PAPPA2: variants seen among roughly 807,000 people sequenced by gnomAD.
The protein encoded by PAPPA2 is pappalysin-2.
A neutral mutation model predicts 176.4 loss-of-function variants in PAPPA2; 86 were observed. That is an observed-to-expected ratio of 0.49 (90% CI 0.41 to 0.58). PAPPA2 has a LOEUF of 0.58. Ranked by LOEUF, PAPPA2 falls within the 20% of genes least tolerant of loss-of-function variation. PAPPA2 has a pLI of 0.00. For synonymous variants in PAPPA2, 809 were observed against 852.2 expected (o/e 0.95, Z 0.88); for missense variants, 2,073 against 2,256.9 (o/e 0.92, Z 1.65).
At chr1:176,688,070 T>C (rs1301772290) in intron 4 of PAPPA2, among the ~76,000 whole-genome samples, 6 of 152,222 alleles carry the variant, frequency 3.9e-5, no homozygotes, top group African/African-American at 9.6e-5. Flanking sequence ...CTAATCAATT[T>C]AGATACTTAA....
chr1:176,678,468 T>C (rs1437714605), intron 4 of PAPPA2, among the ~76,000 whole-genome samples: 2 of 152,102 alleles, frequency 1.3e-5, no homozygotes, highest in African/African-American at 4.8e-5. Flanking sequence ...GTTTTTATTG[T>C]TCTTGCCAAA....
intron 2 of PAPPA2, among the ~76,000 whole-genome samples, chr1:176,580,571 A>T (rs2659488): frequency 0.64 from 97,811 of 151,902 alleles, 32,037 homozygotes; most frequent in East Asian, 0.93. Flanking sequence ...TGTTCTCCAC[A>T]GTGGCTGTAC....
intron 20 of PAPPA2, among the ~76,000 whole-genome samples, chr1:176,798,875 C>G (rs1665555761): frequency 6.6e-6 from 1 of 152,188 alleles, no homozygotes; most frequent in Non-Finnish European, 1.5e-5. Context: ...TATTTTCCCT[C>G]TAGAGAAGCT....
chr1:176,463,775 G>T (rs1226478710), intron 1 of PAPPA2, among the ~76,000 whole-genome samples: 1 of 152,186 alleles, frequency 6.6e-6, no homozygotes, highest in Non-Finnish European at 1.5e-5. Context: ...ATCCAGGCCT[G>T]TGCAGGGAGA....
rs1659266662 is a variant in PAPPA2 at position 176,675,955 on chromosome 1, G to A, written c.2137+4840G>A. 5.3e-5 allele frequency among the ~76,000 whole-genome samples: 8 copies of A among 152,116 alleles called. No homozygotes were observed. In the South Asian group the frequency reaches 1.7e-3, roughly 32 times the overall value. Reference sequence around the variant, plus strand: ...GACATTTTACTACAGATGATATACAGATGGAAAATAAATCTATGAAACAAT... The same window carrying A: ...GACATTTTACTACAGATGATATACAAATGGAAAATAAATCTATGAAACAAT... On this transcript the variant is annotated intron_variant, in intron 4 of 22. Transcript: ENST00000367662.
chr1:176,835,352 A>G (rs544572399), intron 21 of PAPPA2, among the ~76,000 whole-genome samples: 1 of 152,302 alleles, frequency 6.6e-6, no homozygotes, highest in Admixed American at 6.5e-5. Flanking sequence ...AGCATTTCAT[A>G]TATCTATGGT....
intron 12 of PAPPA2, among the ~76,000 whole-genome samples, chr1:176,719,271 GA>G (rs1295492388): frequency 6.6e-6 from 1 of 151,564 alleles, no homozygotes; most frequent in Non-Finnish European, 1.5e-5. Context: ...GTAGAAAATG[GA>G]AAAAACTAGT....
intron 4 of PAPPA2, among the ~76,000 whole-genome samples, chr1:176,680,218 GAT>G (rs1332548466): frequency 2.0e-5 from 3 of 152,322 alleles, no homozygotes; most frequent in African/African-American, 7.2e-5. Flanking sequence ...AATAGTCTGA[GAT>G]AAAGCTAAAT....
chr1:176,832,915 G>T (rs752098772), intron 21 of PAPPA2, among the ~76,000 whole-genome samples: 2 of 152,002 alleles, frequency 1.3e-5, no homozygotes, highest in Non-Finnish European at 2.9e-5. Context: ...ATTATAATCA[G>T]CCTTCTCTTT....
At chr1:176,730,987 T>G (rs1266530395) in intron 12 of PAPPA2, among the ~76,000 whole-genome samples, 1 of 152,088 alleles carries the variant, frequency 6.6e-6, no homozygotes, top group Non-Finnish European at 1.5e-5. Context: ...AGGAAGTACT[T>G]AAATAGTGAG....
chr1:176,687,926 A>G (rs1659925121), intron 4 of PAPPA2, among the ~76,000 whole-genome samples: 1 of 152,182 alleles, frequency 6.6e-6, no homozygotes, highest in African/African-American at 2.4e-5. Context: ...ACTCACTCTC[A>G]TATACATTAT....
At chr1:176,754,650 T>C (rs1041696239) in intron 14 of PAPPA2, among the ~76,000 whole-genome samples, 2 of 152,234 alleles carry the variant, frequency 1.3e-5, no homozygotes, top group African/African-American at 4.8e-5. Context: ...AAAAGTAGTA[T>C]TGAAAAGAGG....
intron 4 of PAPPA2, among the ~76,000 whole-genome samples, chr1:176,676,731 T>TACAC (rs35103046): frequency 3.3e-5 from 5 of 149,254 alleles, no homozygotes; most frequent in East Asian, 2.0e-4. Flanking sequence ...TGCATACAAC[T>TACAC]ACACACACAC....
chr1:176,535,891 T>G (rs187043717), intron 1 of PAPPA2, among the ~76,000 whole-genome samples: 5 of 152,290 alleles, frequency 3.3e-5, no homozygotes, highest in Admixed American at 3.3e-4. Context: ...TATGTGAAAG[T>G]GAAGGCAGGA....
chr1:176,688,846 T>C lies in PAPPA2; in HGVS notation c.2138-1291T>C, dbSNP rs150850094. Among the ~76,000 whole-genome samples, 141 of 152,296 alleles carry C rather than the reference T, an allele frequency of 9.3e-4. 1 individual carries two copies. Among genetic ancestry groups the C allele is most frequent in the African/African-American group, 2.9e-3 (119 of 41,576 alleles). On this transcript the variant is annotated intron_variant, in intron 4 of 22. Transcript: ENST00000367662. ...ATACCCTGTGATTGTCTCCTGCCCA[T>C]AAGGCTGTGTATGTGGTTGTCTAAG...
intron 4 of PAPPA2, among the ~76,000 whole-genome samples, chr1:176,683,935 A>T (rs1283122988): frequency 6.6e-6 from 1 of 151,932 alleles, no homozygotes; most frequent in Non-Finnish European, 1.5e-5. Flanking sequence ...CATTCCCATT[A>T]TTTCCCTTTG....
intron 21 of PAPPA2, chr1:176,836,613 T>G (rs1203213997): frequency 6.6e-6 from 1 of 152,118 alleles, no homozygotes; most frequent in African/African-American, 2.4e-5. Flanking sequence ...CCACTCACCC[T>G]TCTATTTCTT....
Position 176,641,154 on chromosome 1 carries a change from G to C in PAPPA2, c.1992-29816G>C, listed in dbSNP as rs1380735309. Reference sequence around the variant, plus strand: ...ATTTTGTAGGTTGCCTGTTCACTCTGGTGGTAGTTTCTTTTGCTGTGCAGA... The same window carrying C: ...ATTTTGTAGGTTGCCTGTTCACTCTCGTGGTAGTTTCTTTTGCTGTGCAGA... On this transcript the variant is annotated intron_variant, in intron 3 of 22. Coordinates refer to ENST00000367662, the MANE Select transcript of PAPPA2 (RefSeq NM_020318.3). Among the ~76,000 whole-genome samples, 5 of 151,450 alleles carry C rather than the reference G, an allele frequency of 3.3e-5. No homozygotes were observed. In the South Asian group the frequency reaches 1.0e-3, roughly 32 times the overall value.
intron 21 of PAPPA2, among the ~76,000 whole-genome samples, chr1:176,839,170 T>C (rs1239629941): frequency 6.6e-6 from 1 of 152,160 alleles, no homozygotes; most frequent in Non-Finnish European, 1.5e-5. Context: ...CCTACGACTT[T>C]ATGGTTGGGC....
Sources: allele counts gnomAD v4.1 joint callset (sites outside exome capture counted in the v4.1 genomes callset), GRCh38; gene constraint gnomAD v4.1.1; transcripts MANE v1.5; gene names NCBI Gene and HGNC (gene_info 2026-07-23, HGNC 2026-07-21).